The following GGNBP2 variants were observed in gnomAD, a reference collection of about 807,000 sequenced individuals.
GGNBP2 encodes the protein gametogenetin binding protein 2.
GGNBP2 carries 10 observed loss-of-function variants against 85.9 expected under a neutral mutation model. That is an observed-to-expected ratio of 0.12 (90% CI 0.07 to 0.20). The LOEUF (loss-of-function observed/expected upper bound fraction) is 0.20. Ranked by LOEUF, GGNBP2 falls within the 10% of genes least tolerant of loss-of-function variation. GGNBP2 has a pLI of 1.00. For missense variants in GGNBP2, 595 were observed against 857.8 expected (o/e 0.69, Z 3.83); for synonymous variants, 287 against 285.7 (o/e 1.00, Z -0.05).
At chr17:36,580,841 C>G (rs1269203355) in intron 8 of GGNBP2, among the ~76,000 whole-genome samples, 1 of 151,792 alleles carries the variant, frequency 6.6e-6, no homozygotes, top group Non-Finnish European at 1.5e-5. Context: ...ATCGCTTGAA[C>G]CTGGGTGGTA....
At chr17:36,575,926 C>T (rs776127185) in intron 6 of GGNBP2, among the ~76,000 whole-genome samples, 7 of 150,724 alleles carry the variant, frequency 4.6e-5, no homozygotes, top group Non-Finnish European at 7.4e-5. Flanking sequence ...GGATTACAGA[C>T]GTGAGCCACC....
At chr17:36,548,384 G>A (rs1022940458) in intron 2 of GGNBP2, among the ~76,000 whole-genome samples, 24 of 152,022 alleles carry the variant, frequency 1.6e-4, no homozygotes, top group African/African-American at 5.8e-4. Context: ...GGAGGCTGAG[G>A]CAGGTGGATT....
intron 9 of GGNBP2, among the ~76,000 whole-genome samples, chr17:36,585,089 G>A (rs1207523668): frequency 2.0e-5 from 3 of 152,172 alleles, no homozygotes; most frequent in South Asian, 2.1e-4. Context: ...AGAATACAGT[G>A]ATTCTTAGCA....
At chr17:36,556,577 A>G (rs966251776) in intron 3 of GGNBP2, among the ~76,000 whole-genome samples, 2 of 151,908 alleles carry the variant, frequency 1.3e-5, no homozygotes, top group African/African-American at 2.4e-5. Flanking sequence ...GGTGGTGCAC[A>G]CCTGTAGTCC....
chr17:36,575,613 CATATATATATATATATATATAT>C lies in GGNBP2; in HGVS notation c.642-2355_642-2334del, dbSNP rs776677029. On this transcript the variant is annotated intron_variant, in intron 6 of 13. Transcript: ENST00000613102. Reference sequence around the variant, plus strand: ...AGTGGGCTTAGAGCCTCTAATGTAACATATATATATATATATATATATATATATATATATATTTTTTTTTTTT... The same window carrying C: ...AGTGGGCTTAGAGCCTCTAATGTAACATATATATATATATTTTTTTTTTTT... 6.9e-4 allele frequency among the ~76,000 whole-genome samples: 46 copies of C among 66,940 alleles called. 1 individual carries two copies. Among genetic ancestry groups the C allele is most frequent in the African/African-American group, 2.8e-3 (32 of 11,396 alleles). 43.9% of individuals were successfully genotyped at this position (66,940 alleles called of 152,430 possible).
intron 5 of GGNBP2, among the ~76,000 whole-genome samples, chr17:36,561,344 G>A (rs2074414672): frequency 3.9e-5 from 6 of 152,058 alleles, no homozygotes; most frequent in Admixed American, 3.3e-4. Context: ...GGCTGGTCTC[G>A]GACTCCTGAC....
At chr17:36,569,042 C>T (rs1009346509) in intron 6 of GGNBP2, among the ~76,000 whole-genome samples, 1 of 152,006 alleles carries the variant, frequency 6.6e-6, no homozygotes, top group Non-Finnish European at 1.5e-5. Flanking sequence ...TGTGAGCCAC[C>T]GTGCCTGGCC....
intron 5 of GGNBP2, among the ~76,000 whole-genome samples, chr17:36,562,298 C>T (rs2074425038): frequency 6.6e-6 from 1 of 152,038 alleles, no homozygotes; most frequent in South Asian, 2.1e-4. Flanking sequence ...TCCTGAGTAG[C>T]TGGGATTACA....
intron 9 of GGNBP2, among the ~76,000 whole-genome samples, chr17:36,583,621 G>A (rs1031927260): frequency 6.6e-6 from 1 of 151,940 alleles, no homozygotes; most frequent in Non-Finnish European, 1.5e-5. Flanking sequence ...ACCATGCCCG[G>A]CTAATTTTTT....
intron 13 of GGNBP2, among the ~76,000 whole-genome samples, chr17:36,588,062 A>T (rs988272885): frequency 3.3e-5 from 5 of 152,184 alleles, no homozygotes; most frequent in African/African-American, 1.2e-4. Flanking sequence ...ACCAGAAAGA[A>T]TATACAATTT....
intron 2 of GGNBP2, among the ~76,000 whole-genome samples, chr17:36,548,084 A>T (rs1411436634): frequency 1.3e-5 from 2 of 152,206 alleles, no homozygotes; most frequent in Non-Finnish European, 2.9e-5. Flanking sequence ...AGTTAACCTT[A>T]GGTTTTGTCT....
intron 9 of GGNBP2, among the ~76,000 whole-genome samples, chr17:36,584,680 G>A (rs1459188390): frequency 6.6e-6 from 1 of 152,204 alleles, no homozygotes; most frequent in Non-Finnish European, 1.5e-5. Flanking sequence ...AGGGCGTGGA[G>A]GCTCATGCCT....
At chr17:36,579,818 C>G (rs1368200771) in intron 8 of GGNBP2, among the ~76,000 whole-genome samples, 1 of 152,062 alleles carries the variant, frequency 6.6e-6, no homozygotes, top group Non-Finnish European at 1.5e-5. Flanking sequence ...TGAGACCAGC[C>G]TGACCAATAT....
chr17:36,582,677 G>T (rs761823671), intron 9 of GGNBP2, among the ~76,000 whole-genome samples: 2 of 152,106 alleles, frequency 1.3e-5, no homozygotes, highest in Admixed American at 6.5e-5. Context: ...TTAATGTCAT[G>T]TCTATGTTTT....
chr17:36,563,724 C>CT (rs200917162), intron 5 of GGNBP2, among the ~76,000 whole-genome samples: 2,759 of 144,038 alleles, frequency 0.019, 81 homozygotes, highest in African/African-American at 0.06. Flanking sequence ...TTGTCAGTAT[C>CT]TTTTTTTTTT....
In GGNBP2 at chr17:36,573,170, T is replaced by C. The variant is rs544350804; in HGVS notation, c.642-4813T>C. Among the ~76,000 whole-genome samples the C allele has an allele frequency of 2.6e-5, 4 of 152,284 alleles. No homozygotes were observed. The East Asian group carries it at 7.7e-4, about 29-fold the overall frequency. On this transcript the variant is annotated intron_variant, in intron 6 of 13. Coordinates refer to ENST00000613102, the MANE Select transcript of GGNBP2 (RefSeq NM_024835.5). ...CTCTGTTGCCCAGGCAGGGGTGCAG[T>C]GGCTTGATCTCGGTTCACTGCAACC...
At chr17:36,580,212 C>CTTTTCTT (rs2074633474) in intron 8 of GGNBP2, among the ~76,000 whole-genome samples, 1 of 137,538 alleles carries the variant, frequency 7.3e-6, no homozygotes, top group South Asian at 2.3e-4. Context: ...CTTTTCTTTT[C>CTTTTCTT]TTTTTTTTTT....
Position 36,579,351 on chromosome 17 carries a change from C to T in GGNBP2, c.952C>T (p.Arg318Trp). ...ERLHRIWQKL[R>W]AEEQTWQMLF... ...ACTGCATCGAATCTGGCAGAAGCTA[C>T]GGGCAGAAGAGCAGACATGGCAGAT... Residue 318 changes from arginine to tryptophan, a missense_variant, in exon 8 of 14, where the codon CGG becomes TGG. By Grantham distance (101) the Arg-to-Trp change is moderately radical. This residue lies in a region of GGNBP2 where 92 missense variants were observed against 183.9 expected (regional missense o/e 0.50). Transcript: ENST00000613102. 8 of 1,614,098 alleles carry T rather than the reference C, an allele frequency of 5.0e-6. No homozygotes were observed. The highest frequency in any genetic ancestry group is 5.9e-6 in the Non-Finnish European group (7 of 1,179,968).
At chr17:36,549,511 A>G (rs754441167) in intron 2 of GGNBP2, among the ~76,000 whole-genome samples, 2 of 152,058 alleles carry the variant, frequency 1.3e-5, no homozygotes, top group Non-Finnish European at 2.9e-5. Flanking sequence ...CGGCCAAAAT[A>G]TATATTCCTT....
Sources: gnomAD v4.1 joint callset for allele counts (sites outside exome capture counted in the v4.1 genomes callset) on GRCh38, gnomAD v4.1.1 for gene constraint, gnomAD v4.1.1 regional missense constraint, MANE v1.5 for transcripts, NCBI Gene and HGNC (gene_info 2026-07-23, HGNC 2026-07-21) for gene names.